The following CYP27A1 variants were observed in gnomAD, a reference collection of about 807,000 sequenced individuals.
The protein encoded by CYP27A1 is cytochrome P450 family 27 subfamily A member 1, also known as sterol 26-hydroxylase, mitochondrial.
CYP27A1 carries 46 observed loss-of-function variants against 58.2 expected under a neutral mutation model. That is an observed-to-expected ratio of 0.79 (90% CI 0.62 to 1.01). CYP27A1 has a LOEUF of 1.01. Ranked by LOEUF, CYP27A1 falls within the 50% of genes least tolerant of loss-of-function variation. The pLI is 0.00. For synonymous variants in CYP27A1, 274 were observed against 285.1 expected (o/e 0.96, Z 0.39); for missense variants, 704 against 687.0 (o/e 1.02, Z -0.28).
Position 218,809,750 on chromosome 2 carries a change from C to T in CYP27A1, c.429C>T (p.Thr143=), listed in dbSNP as rs754714118. 6.2e-7 allele frequency: 1 copy of T among 1,613,314 alleles called. No individual in the cohort carries two copies. Among genetic ancestry groups the T allele is most frequent in the Non-Finnish European group, 8.5e-7 (1 of 1,179,476 alleles). ...WKEHRDQHDL[T]YGPFTTEGHH... ...AGCACCGGGACCAGCACGACCTGAC[C>T]TATGGGCCGTTCACCACGTGAGCTG... Residue 143 remains threonine (T), a synonymous_variant, in exon 2 of 9, where the codon ACC becomes ACT. Coordinates refer to ENST00000258415, the MANE Select transcript of CYP27A1 (RefSeq NM_000784.4).
intron 1 of CYP27A1, among the ~76,000 whole-genome samples, chr2:218,795,986 C>G (rs1274119038): frequency 6.6e-6 from 1 of 152,160 alleles, no homozygotes; most frequent in African/African-American, 2.4e-5. Flanking sequence ...TCCTTAAATA[C>G]CTGTGAGTTG....
intron 1 of CYP27A1, among the ~76,000 whole-genome samples, chr2:218,804,298 A>G (rs1397075488): frequency 3.3e-5 from 5 of 152,138 alleles, no homozygotes; most frequent in Non-Finnish European, 5.9e-5. Context: ...TGTTGAAGAG[A>G]CTTTCTTTCC....
At chr2:218,790,157 G>A (rs1943478343) in intron 1 of CYP27A1, among the ~76,000 whole-genome samples, 1 of 152,114 alleles carries the variant, frequency 6.6e-6, no homozygotes, top group Non-Finnish European at 1.5e-5. Flanking sequence ...TAGGGCCTTA[G>A]CACTGCTCTC....
chr2:218,783,257 CA>C (rs371442397), intron 1 of CYP27A1, among the ~76,000 whole-genome samples: 1,873 of 79,526 alleles, frequency 0.024, 20 homozygotes, highest in African/African-American at 0.071. Context: ...AACTCTGTCT[CA>C]AAAAAAAAAA....
At chr2:218,804,793 T>A (rs1446816420) in intron 1 of CYP27A1, among the ~76,000 whole-genome samples, 7 of 152,262 alleles carry the variant, frequency 4.6e-5, no homozygotes, top group African/African-American at 1.7e-4. Flanking sequence ...ATCTTTTGGA[T>A]ACTATCATTA....
chr2:218,787,430 T>C (rs17573731), intron 1 of CYP27A1, among the ~76,000 whole-genome samples: 53,783 of 151,882 alleles, frequency 0.35, 10,248 homozygotes, highest in Non-Finnish European at 0.42. Context: ...ACATTCAGCA[T>C]GGGCAGATTA....
At chr2:218,784,687 A>G (rs866446005) in intron 1 of CYP27A1, among the ~76,000 whole-genome samples, 2 of 152,258 alleles carry the variant, frequency 1.3e-5, no homozygotes, top group Non-Finnish European at 2.9e-5. Context: ...TCCTGTCTAT[A>G]TAAGCAAGGA....
intron 1 of CYP27A1, among the ~76,000 whole-genome samples, chr2:218,784,289 T>C (rs1333359972): frequency 6.6e-6 from 1 of 152,224 alleles, no homozygotes; most frequent in Non-Finnish European, 1.5e-5. Context: ...AACTTTAAAA[T>C]ATTTTGAGCC....
chr2:218,803,850 A>G (rs943110176), intron 1 of CYP27A1, among the ~76,000 whole-genome samples: 5 of 146,288 alleles, frequency 3.4e-5, no homozygotes, highest in Non-Finnish European at 7.4e-5. Context: ...CTCCTGCCTC[A>G]GCCTCCCGAG....
intron 1 of CYP27A1, among the ~76,000 whole-genome samples, chr2:218,788,918 A>G (rs1943465594): frequency 6.6e-6 from 1 of 152,246 alleles, no homozygotes. Flanking sequence ...AGTGTTTTTC[A>G]GGGCCATCTG....
chr2:218,794,965 T>G (rs773608534), intron 1 of CYP27A1, among the ~76,000 whole-genome samples: 2 of 152,162 alleles, frequency 1.3e-5, no homozygotes, highest in Non-Finnish European at 2.9e-5. Flanking sequence ...CTTCCATCCT[T>G]GCATCCCTGA....
intron 6 of CYP27A1, 24 bp from the exon 7 acceptor site, chr2:218,814,356 C>T: frequency 1.9e-6 from 3 of 1,612,052 alleles, no homozygotes; most frequent in Non-Finnish European, 2.5e-6. Context: ...CCAGAGCAGA[C>T]TCCAGACATT....
chr2:218,796,691 C>T (rs1317706593), intron 1 of CYP27A1, among the ~76,000 whole-genome samples: 2 of 152,204 alleles, frequency 1.3e-5, no homozygotes, highest in East Asian at 3.8e-4. Flanking sequence ...AAGTTTTGTT[C>T]ACGGGCATAT....
intron 1 of CYP27A1, among the ~76,000 whole-genome samples, chr2:218,798,164 G>A (rs1008991347): frequency 6.6e-6 from 1 of 151,074 alleles, no homozygotes; most frequent in Non-Finnish European, 1.5e-5. Context: ...CACCACACTT[G>A]GCTAATTTTT....
At chr2:218,814,524 C>A (rs1350559523) in intron 7 of CYP27A1, 21 bp from the exon 8 acceptor site, 1 of 1,613,480 alleles carries the variant, frequency 6.2e-7, no homozygotes, top group Admixed American at 1.7e-5. Flanking sequence ...GGCATTCATG[C>A]TGCCCAATCT....
chr2:218,814,343 A>G, intron 6 of CYP27A1, 37 bp from the exon 7 acceptor site: 1 of 1,609,162 alleles, frequency 6.2e-7, no homozygotes, highest in South Asian at 1.1e-5. Flanking sequence ...TACCCCCATG[A>G]ATCCAGAGCA....
At chr2:218,790,478 A>C (rs981016117) in intron 1 of CYP27A1, among the ~76,000 whole-genome samples, 12 of 152,214 alleles carry the variant, frequency 7.9e-5, no homozygotes, top group African/African-American at 2.7e-4. Flanking sequence ...GCTTTAACTA[A>C]GCAGTCTCTT....
intron 1 of CYP27A1, among the ~76,000 whole-genome samples, chr2:218,796,637 T>C (rs1943550548): frequency 6.6e-6 from 1 of 152,138 alleles, no homozygotes; most frequent in South Asian, 2.1e-4. Flanking sequence ...ACAGATAGTT[T>C]CCAAATTCTA....
chr2:218,806,416 A>AG (rs1317358338), intron 1 of CYP27A1, among the ~76,000 whole-genome samples: 1 of 152,216 alleles, frequency 6.6e-6, no homozygotes, highest in African/African-American at 2.4e-5. Flanking sequence ...CACAACTCAG[A>AG]GGGGGTGCGG....
Sources: allele counts gnomAD v4.1 joint callset (sites outside exome capture counted in the v4.1 genomes callset), GRCh38; gene constraint gnomAD v4.1.1; transcripts MANE v1.5; gene names NCBI Gene and HGNC (gene_info 2026-07-23, HGNC 2026-07-21).